Variants in AOPEP observed in about 807,000 individuals in gnomAD.
The protein encoded by AOPEP is aminopeptidase O (putative), also known as aminopeptidase O.
AOPEP carries 77 observed loss-of-function variants against 98.1 expected under a neutral mutation model. The ratio of observed to expected loss-of-function variants is 0.78; its 90% CI spans 0.65 to 0.95. The LOEUF is 0.95. AOPEP is among the 40% of genes least tolerant of loss of function. The probability of loss-of-function intolerance (pLI) is 0.00; values close to 1 mark genes in which losing one functional copy is unlikely to be tolerated. For missense variants in AOPEP, 1,024 were observed against 1,024.7 expected, an observed-to-expected ratio of 1.00 and a Z score of 0.01; for synonymous variants, 346 against 365.3, an observed-to-expected ratio of 0.95 and a Z score of 0.60.
At chr9:94,759,296 A>C (rs1035014109) in intron 1 of AOPEP, among the ~76,000 whole-genome samples, 19 of 152,250 alleles carry the variant, frequency 1.2e-4, no homozygotes, top group African/African-American at 3.9e-4. Context: ...TTTGATGCAC[A>C]AAATTAGAAG....
chr9:95,011,211 A>ATTT (rs71366270), intron 13 of AOPEP, among the ~76,000 whole-genome samples: 2 of 112,794 alleles, frequency 1.8e-5, no homozygotes, highest in African/African-American at 3.3e-5. Flanking sequence ...CTAGCCATTG[A>ATTT]TTTTTTTTTT....
intron 11 of AOPEP, among the ~76,000 whole-genome samples, chr9:94,994,912 C>T (rs747538123): frequency 5.3e-5 from 8 of 152,182 alleles, no homozygotes; most frequent in Admixed American, 3.9e-4. Context: ...GATCATGCCA[C>T]TGCACTCTAT....
chr9:95,054,269 G>T (rs1244202716), intron 13 of AOPEP, among the ~76,000 whole-genome samples: 1 of 152,114 alleles, frequency 6.6e-6, no homozygotes, highest in Non-Finnish European at 1.5e-5. Flanking sequence ...CCTTGTAATT[G>T]GTCTGGCAGG....
intron 1 of AOPEP, among the ~76,000 whole-genome samples, chr9:94,734,366 G>T (rs1374040721): frequency 6.6e-6 from 1 of 152,208 alleles, no homozygotes; most frequent in Non-Finnish European, 1.5e-5. Flanking sequence ...GGAAGTGGGA[G>T]TTGTAAGGTC....
intron 14 of AOPEP, 189 bp downstream of exon 14, chr9:95,060,999 G>A: frequency 2.0e-6 from 1 of 500,600 alleles, no homozygotes; most frequent in Non-Finnish European, 3.6e-6. Flanking sequence ...AGTATTTTGA[G>A]GTCTTAAGTT....
In AOPEP at chr9:94,870,305, T is replaced by G. The variant is rs532790126; in HGVS notation, c.1365-53681T>G. 5.3e-5 allele frequency among the ~76,000 whole-genome samples: 8 copies of G among 152,168 alleles called. No homozygotes were observed. In the South Asian group the frequency reaches 1.7e-3, roughly 32 times the overall value. On this transcript the variant is annotated intron_variant, in intron 5 of 16. Transcript: ENST00000375315. ...GCGCCCAGCTGAAGACATTAATTAT[T>G]TTAAAAGGGAAGGGGGGCAGTCAAA...
rs1196387961 is a variant in AOPEP at position 95,003,165 on chromosome 9, T to TGTGC, written c.1978-1992_1978-1991insTGCG. On this transcript the variant is annotated intron_variant, in intron 11 of 16. Coordinates refer to ENST00000375315, the MANE Select transcript of AOPEP (RefSeq NM_001193329.3). ...GAATGTGTGTGTGTGTGTGTGTGTG[T>TGTGC]GCGCGCGCGCGCGCGTGTGTGACTG... 1.4e-3 allele frequency among the ~76,000 whole-genome samples: 210 copies of TGTGC among 146,054 alleles called. 1 individual carries two copies. The highest frequency in any genetic ancestry group is 2.9e-3 in the Admixed American group (43 of 14,796).
At chr9:94,883,807 T>C (rs928079560) in intron 5 of AOPEP, among the ~76,000 whole-genome samples, 2 of 152,232 alleles carry the variant, frequency 1.3e-5, no homozygotes, top group Admixed American at 6.5e-5. Context: ...ATGTTAAACA[T>C]AAGTTGAGGG....
At chr9:94,836,466 A>G (rs750379041) in intron 5 of AOPEP, among the ~76,000 whole-genome samples, 7 of 152,168 alleles carry the variant, frequency 4.6e-5, no homozygotes, top group Non-Finnish European at 7.3e-5. Flanking sequence ...CCTAATAGTT[A>G]ATGATATTGA....
chr9:95,004,762 G>T (rs1264065254), intron 11 of AOPEP, among the ~76,000 whole-genome samples: 1 of 143,108 alleles, frequency 7.0e-6, no homozygotes, highest in Admixed American at 6.8e-5. Flanking sequence ...GGAGCCCGGG[G>T]AGGGGTGGCG....
At chr9:94,928,663 A>G (rs527504955) in intron 7 of AOPEP, 132 bp downstream of exon 7, 8 of 631,476 alleles carry the variant, frequency 1.3e-5, no homozygotes, top group South Asian at 1.2e-4. Context: ...TGTCCCCCAG[A>G]TGTGATGGTT....
At chr9:94,950,353 C>T (rs1265003173) in intron 7 of AOPEP, among the ~76,000 whole-genome samples, 3 of 152,222 alleles carry the variant, frequency 2.0e-5, no homozygotes, top group African/African-American at 7.2e-5. Context: ...TGGTGCCACT[C>T]AGCTCTGGGA....
Position 95,040,803 on chromosome 9 carries a change from G to GT in AOPEP, c.2116-19885dup, listed in dbSNP as rs547357673. ...TTTGGGTTATCCTGGCTCCTCCCAT[G>GT]TTTTTTGCAGCTCCAGTGACAGCAA... On this transcript the variant is annotated intron_variant, in intron 13 of 16. Coordinates refer to ENST00000375315, the MANE Select transcript of AOPEP (RefSeq NM_001193329.3). Among the ~76,000 whole-genome samples, 18 of 152,286 alleles carry GT rather than the reference G, an allele frequency of 1.2e-4. No individual in the cohort carries two copies. In the East Asian group the frequency reaches 3.3e-3, roughly 28 times the overall value.
chr9:94,746,330 G>T (rs561230725), intron 1 of AOPEP, among the ~76,000 whole-genome samples: 1 of 152,172 alleles, frequency 6.6e-6, no homozygotes, highest in East Asian at 1.9e-4. Flanking sequence ...CAACTGCTTG[G>T]GTTGACATCT....
chr9:95,130,709 TGTTCTCTCCACA>T, the AOPEP span, among the ~76,000 whole-genome samples: 2 of 152,344 alleles, frequency 1.3e-5, no homozygotes, highest in Admixed American at 1.3e-4. Flanking sequence ...TCCGAGCCAC[TGTTCTCTCCACA>T]GTGGGAAGCC....
chr9:94,816,527 G>C (rs1851733849), intron 5 of AOPEP, among the ~76,000 whole-genome samples: 1 of 152,130 alleles, frequency 6.6e-6, no homozygotes, highest in African/African-American at 2.4e-5. Context: ...CTCCCTAAGT[G>C]AGCATAACTT....
At chr9:94,921,237 C>T (rs1007054660) in intron 5 of AOPEP, 1 of 152,258 alleles carries the variant, frequency 6.6e-6, no homozygotes, top group African/African-American at 2.4e-5. Context: ...TCCAGTGAGG[C>T]TTGTCAGGGG....
intron 5 of AOPEP, among the ~76,000 whole-genome samples, chr9:94,840,900 G>C (rs1016265806): frequency 2.8e-4 from 42 of 152,072 alleles, no homozygotes; most frequent in African/African-American, 9.9e-4. Flanking sequence ...TCTGGCTAGA[G>C]GTTTGTCACT....
chr9:95,041,480 T>TGTGTGTGTGG (rs372293404), intron 13 of AOPEP, among the ~76,000 whole-genome samples: 1 of 146,890 alleles, frequency 6.8e-6, no homozygotes, highest in Non-Finnish European at 1.5e-5. Context: ...TGTGTGTGTG[T>TGTGTGTGTGG]GGAGAGGGAG....
Sources: gnomAD v4.1 joint callset for allele counts (sites outside exome capture counted in the v4.1 genomes callset) on GRCh38, gnomAD v4.1.1 for gene constraint, MANE v1.5 for transcripts, NCBI Gene and HGNC (gene_info 2026-07-23, HGNC 2026-07-21) for gene names.